The following UMAD1 variants were observed in gnomAD, a reference collection of about 807,000 sequenced individuals.
UMAD1 encodes the protein UBAP1-MVB12-associated (UMA)-domain containing protein 1.
In UMAD1, 8 loss-of-function variants were observed where a neutral mutation model predicts 6.1. The ratio of observed to expected loss-of-function variants is 1.30; its 90% CI spans 0.76 to 2.35. UMAD1 has a LOEUF of 2.35. Among genes scored for constraint, UMAD1 ranks in the 30% most tolerant of loss-of-function variants. UMAD1 has a pLI of 0.00. For synonymous variants in UMAD1, 56 were observed against 31.4 expected, an observed-to-expected ratio of 1.78 and a Z score of -2.61; for missense variants, 130 against 78.4, an observed-to-expected ratio of 1.66 and a Z score of -2.49.
chr7:7,833,476 T>C (rs1783503639), intron 3 of UMAD1, among the ~76,000 whole-genome samples: 2 of 152,072 alleles, frequency 1.3e-5, no homozygotes, highest in African/African-American at 4.8e-5. Context: ...GCTGTAGACA[T>C]AAGAAAGGTG....
chr7:7,646,746 C>T (rs891071848), intron 1 of UMAD1, among the ~76,000 whole-genome samples: 4 of 152,002 alleles, frequency 2.6e-5, no homozygotes, highest in Non-Finnish European at 4.4e-5. Flanking sequence ...CCAATCTCCT[C>T]TCTGACCGTC....
intron 2 of UMAD1, among the ~76,000 whole-genome samples, chr7:7,749,485 C>T (rs1303813976): frequency 6.6e-6 from 1 of 152,078 alleles, no homozygotes; most frequent in Non-Finnish European, 1.5e-5. Flanking sequence ...AGTGGGTAAG[C>T]GTTTTTTTCA....
intron 3 of UMAD1, among the ~76,000 whole-genome samples, chr7:7,824,304 C>A (rs972657925): frequency 1.3e-5 from 2 of 152,140 alleles, no homozygotes; most frequent in African/African-American, 4.8e-5. Context: ...GCATCCAGCA[C>A]CCTCCCTGAT....
At chr7:7,838,374 C>T (rs1783610816) in intron 3 of UMAD1, among the ~76,000 whole-genome samples, 1 of 152,012 alleles carries the variant, frequency 6.6e-6, no homozygotes, top group Admixed American at 6.6e-5. Flanking sequence ...TGATATTGAC[C>T]ATACACGTAT....
chr7:7,664,998 T>C (rs928837619), intron 1 of UMAD1, among the ~76,000 whole-genome samples: 1 of 141,252 alleles, frequency 7.1e-6, no homozygotes, highest in East Asian at 2.0e-4. Flanking sequence ...GTGGGTGATA[T>C]ATAGATATAT....
Position 7,677,924 on chromosome 7 carries a change from C to G in UMAD1, c.82+4471C>G, listed in dbSNP as rs976140668. Among the ~76,000 whole-genome samples, 7 of 151,892 alleles carry G rather than the reference C, an allele frequency of 4.6e-5. No homozygotes were observed. In the East Asian group the frequency reaches 1.2e-3, roughly 25 times the overall value. On this transcript the variant is annotated intron_variant, in intron 2 of 3. Transcript: ENST00000682710. ...TCCTGACCTCGTGATCCGCCCGCCT[C>G]GGCCTCCCAAAGTGCTGGGATTACA... is the stretch of plus-strand genomic sequence containing the variant.
chr7:7,643,928 G>A (rs772893071), intron 1 of UMAD1, among the ~76,000 whole-genome samples: 1 of 151,818 alleles, frequency 6.6e-6, no homozygotes, highest in Non-Finnish European at 1.5e-5. Flanking sequence ...AAATTTTTTC[G>A]TCTGAGGAGG....
chr7:7,766,968 C>T (rs1781996502), intron 2 of UMAD1, among the ~76,000 whole-genome samples: 1 of 152,080 alleles, frequency 6.6e-6, no homozygotes, highest in African/African-American at 2.4e-5. Flanking sequence ...CTTGCCTATT[C>T]TGCTTTCATA....
chr7:7,827,135 A>ATGTGTGTGTGTG (rs1178394302), intron 3 of UMAD1, among the ~76,000 whole-genome samples: 343 of 114,544 alleles, frequency 3.0e-3, no homozygotes, highest in Middle Eastern at 4.5e-3. Flanking sequence ...ATATATATAT[A>ATGTGTGTGTGTG]TATATATATA....
intron 2 of UMAD1, among the ~76,000 whole-genome samples, chr7:7,752,883 T>A (rs866580421): frequency 6.6e-6 from 1 of 152,190 alleles, no homozygotes; most frequent in Non-Finnish European, 1.5e-5. Context: ...CATAATTTTG[T>A]ATTCTTTTTC....
rs1779658519 is a variant in UMAD1, at chr7:7,673,365, AGCAG to A, written c.-6_-3del. ...CAGCAGCAGCAGCAGCAGCAGCAGC[AGCAG>A]CAATGTTTCACTTCTTCAGAAAGCC... On this transcript the variant is annotated 5_prime_UTR_variant, in exon 2 of 4. Transcript: ENST00000682710. The A allele has an allele frequency of 9.1e-7, 1 of 1,098,326 alleles. No individual in the cohort carries two copies. The highest frequency in any genetic ancestry group is 1.3e-6 in the Non-Finnish European group (1 of 762,470). 68.0% of individuals were successfully genotyped at this position (1,098,326 alleles called of 1,614,324 possible). A position where few individuals can be genotyped will look rare whatever the true frequency, so the allele number is the denominator to read the frequency against.
chr7:7,712,437 TTTATTC>T (rs1345494820), intron 2 of UMAD1, among the ~76,000 whole-genome samples: 7 of 152,178 alleles, frequency 4.6e-5, no homozygotes, highest in African/African-American at 1.7e-4. Context: ...TTTTGTCAGA[TTTATTC>T]TTAGAGTGCT....
chr7:7,855,299 C>T (rs1437349026), intron 3 of UMAD1, among the ~76,000 whole-genome samples: 1 of 152,254 alleles, frequency 6.6e-6, no homozygotes, highest in East Asian at 1.9e-4. Context: ...CATTTCCCTT[C>T]TGCACTGCCC....
At chr7:7,758,151 C>T (rs1184072196) in intron 2 of UMAD1, among the ~76,000 whole-genome samples, 2 of 152,090 alleles carry the variant, frequency 1.3e-5, no homozygotes, top group Admixed American at 6.6e-5. Context: ...CTCAAGCAGT[C>T]GTTCTGCCAA....
intron 1 of UMAD1, among the ~76,000 whole-genome samples, chr7:7,643,538 C>G (rs1341014022): frequency 1.3e-5 from 2 of 152,160 alleles, no homozygotes; most frequent in African/African-American, 4.8e-5. Context: ...TGGTGAAACC[C>G]TGTCTCTACT....
At chr7:7,770,489 A>G (rs1782078585) in intron 2 of UMAD1, among the ~76,000 whole-genome samples, 1 of 152,192 alleles carries the variant, frequency 6.6e-6, no homozygotes, top group African/African-American at 2.4e-5. Context: ...CAAGAGAGGT[A>G]GATGGTCTGA....
chr7:7,642,162 T>C (rs1355354919), intron 1 of UMAD1, among the ~76,000 whole-genome samples: 1 of 152,106 alleles, frequency 6.6e-6, no homozygotes, highest in African/African-American at 2.4e-5. Flanking sequence ...TGAGGCAAGA[T>C]CTCTCTCTGT....
chr7:7,787,208 G>C (rs1013066458), intron 2 of UMAD1, among the ~76,000 whole-genome samples: 1 of 152,070 alleles, frequency 6.6e-6, no homozygotes, highest in Non-Finnish European at 1.5e-5. Flanking sequence ...GCAGTACTGT[G>C]GAATTTGTTG....
intron 1 of UMAD1, among the ~76,000 whole-genome samples, chr7:7,642,732 T>A (rs1785003017): frequency 1.3e-5 from 2 of 152,212 alleles, no homozygotes; most frequent in Non-Finnish European, 2.9e-5. Context: ...GTCATTCAGC[T>A]GAAGAAATGG....
Sources: allele counts gnomAD v4.1 joint callset (sites outside exome capture counted in the v4.1 genomes callset), GRCh38; gene constraint gnomAD v4.1.1; transcripts MANE v1.5; gene names NCBI Gene and HGNC (gene_info 2026-07-23, HGNC 2026-07-21).